ARIH1: variants seen among roughly 807,000 people sequenced by gnomAD.
ARIH1 encodes the protein E3 ubiquitin-protein ligase ARIH1.
In ARIH1, 8 loss-of-function variants were observed where a neutral mutation model predicts 85.0. The ratio of observed to expected loss-of-function variants is 0.09; its 90% CI spans 0.06 to 0.17. The LOEUF (loss-of-function observed/expected upper bound fraction) is 0.17, where lower values mean the gene tolerates loss of function less well. Among genes scored for constraint, ARIH1 ranks in the 10% least tolerant of loss-of-function variants. ARIH1 has a pLI of 1.00. For missense variants in ARIH1, 311 were observed against 718.1 expected, an observed-to-expected ratio of 0.43 and a Z score of 6.48; for synonymous variants, 238 against 253.6, an observed-to-expected ratio of 0.94 and a Z score of 0.59.
Position 72,583,359 on chromosome 15 carries a change from A to AC in ARIH1, c.*67_*68insC. ...TAGAGTGCTCATGCAATTAAAACAA[A>AC]ACAAACACAAACAAGGAGGCACTAA... On this transcript the variant is annotated 3_prime_UTR_variant, in exon 14 of 14. Transcript: ENST00000379887. The AC allele has an allele frequency of 7.7e-7, 1 of 1,298,690 alleles. No homozygotes were observed. Among genetic ancestry groups the AC allele is most frequent in the Non-Finnish European group, 1.1e-6 (1 of 907,324 alleles). 80.4% of individuals were successfully genotyped at this position (1,298,690 alleles called of 1,614,324 possible). A position where few individuals can be genotyped will look rare whatever the true frequency, so the allele number is the denominator to read the frequency against.
chr15:72,540,055 C>T (rs960715077), intron 2 of ARIH1, among the ~76,000 whole-genome samples: 1 of 151,902 alleles, frequency 6.6e-6, no homozygotes, highest in African/African-American at 2.4e-5. Context: ...GTCAGGAGTT[C>T]GAGACCAGCC....
At chr15:72,549,888 G>T (rs2064146154) in intron 3 of ARIH1, among the ~76,000 whole-genome samples, 1 of 152,154 alleles carries the variant, frequency 6.6e-6, no homozygotes, top group Admixed American at 6.5e-5. Context: ...TAAGTTTAGT[G>T]AATAGATAAT....
intron 2 of ARIH1, among the ~76,000 whole-genome samples, chr15:72,524,273 G>C (rs775440172): frequency 7.0e-6 from 1 of 143,814 alleles, no homozygotes; most frequent in Non-Finnish European, 1.5e-5. Context: ...GATGGATGGA[G>C]TCTTGCTCGG....
intron 11 of ARIH1, among the ~76,000 whole-genome samples, chr15:72,579,988 C>T (rs1399271855): frequency 6.6e-6 from 1 of 152,074 alleles, no homozygotes. Context: ...TTATTATTGA[C>T]TATATTCACC....
intron 1 of ARIH1, among the ~76,000 whole-genome samples, chr15:72,516,428 A>T (rs201107269): frequency 1.8e-4 from 1 of 5,644 alleles, no homozygotes; most frequent in African/African-American, 1.8e-4. Context: ...GAGTTCTTTT[A>T]AAAAAAAAGT....
intron 2 of ARIH1, among the ~76,000 whole-genome samples, chr15:72,519,475 G>GTGTTTTTTTTTTTTTTTT (rs2063989343): frequency 3.2e-5 from 2 of 62,544 alleles, no homozygotes; most frequent in African/African-American, 1.3e-4. Flanking sequence ...TGTTTTTTTT[G>GTGTTTTTTTTTTTTTTTT]TTTTTTTTTT....
At chr15:72,528,737 C>T (rs996002581) in intron 2 of ARIH1, among the ~76,000 whole-genome samples, 1 of 152,132 alleles carries the variant, frequency 6.6e-6, no homozygotes, top group Non-Finnish European at 1.5e-5. Context: ...CACCTATAGT[C>T]CCAGCTACTC....
At chr15:72,475,947 GA>G (rs541773190) in intron 1 of ARIH1, among the ~76,000 whole-genome samples, 229 of 147,844 alleles carry the variant, frequency 1.5e-3, no homozygotes, top group South Asian at 0.013. Flanking sequence ...TTCATTTGGG[GA>G]AAAAAAAAAC....
chr15:72,476,451 G>C (rs552032299), intron 1 of ARIH1, among the ~76,000 whole-genome samples: 1 of 152,172 alleles, frequency 6.6e-6, no homozygotes, highest in East Asian at 1.9e-4. Flanking sequence ...TGCAACCTCC[G>C]CCTGCCGGGT....
chr15:72,505,431 AT>A (rs986552433), intron 1 of ARIH1, among the ~76,000 whole-genome samples: 2 of 151,816 alleles, frequency 1.3e-5, no homozygotes, highest in African/African-American at 4.8e-5. Context: ...AACCTTCCAT[AT>A]TTTTTTAATG....
chr15:72,520,956 A>G (rs908142029), intron 2 of ARIH1, among the ~76,000 whole-genome samples: 4 of 151,618 alleles, frequency 2.6e-5, no homozygotes, highest in Admixed American at 6.6e-5. Flanking sequence ...CAATCCTTCC[A>G]TTTCAGCACC....
intron 1 of ARIH1, among the ~76,000 whole-genome samples, chr15:72,478,821 G>C (rs796138083): frequency 6.6e-5 from 10 of 152,330 alleles, no homozygotes; most frequent in African/African-American, 2.4e-4. Context: ...TAGGGGCACA[G>C]ATTGGGTATA....
chr15:72,493,954 A>G (rs192115515), intron 1 of ARIH1, among the ~76,000 whole-genome samples: 279 of 152,268 alleles, frequency 1.8e-3, no homozygotes, highest in Non-Finnish European at 3.1e-3. Flanking sequence ...TAAAAAAAAC[A>G]TATATATCTG....
intron 5 of ARIH1, among the ~76,000 whole-genome samples, chr15:72,561,065 G>T (rs8028467): frequency 0.89 from 135,986 of 152,124 alleles, 62,711 homozygotes; most frequent in East Asian, 1. Flanking sequence ...AACATTTCTG[G>T]CAACAATATC....
chr15:72,575,902 G>A (rs1434959549), intron 11 of ARIH1, among the ~76,000 whole-genome samples: 1 of 152,120 alleles, frequency 6.6e-6, no homozygotes, highest in African/African-American at 2.4e-5. Context: ...GTCTCGCAGT[G>A]GCATGATCAT....
chr15:72,542,201 G>A (rs2064110288), intron 2 of ARIH1, among the ~76,000 whole-genome samples: 1 of 152,136 alleles, frequency 6.6e-6, no homozygotes, highest in Admixed American at 6.6e-5. Context: ...AAATCTTTGG[G>A]TATAGAGGTC....
intron 2 of ARIH1, among the ~76,000 whole-genome samples, chr15:72,518,696 G>A (rs908540030): frequency 3.3e-5 from 5 of 151,756 alleles, no homozygotes; most frequent in African/African-American, 1.2e-4. Flanking sequence ...GCTGAGGCAG[G>A]AGAATCACTT....
intron 1 of ARIH1, among the ~76,000 whole-genome samples, chr15:72,496,307 G>A (rs1406875154): frequency 1.3e-5 from 2 of 152,160 alleles, no homozygotes; most frequent in Admixed American, 6.5e-5. Flanking sequence ...CCTAGATGTG[G>A]TGCTAGCAAA....
rs2064338637 is a variant in ARIH1, at chr15:72,590,532, G to A, written c.*7240G>A. Reference sequence around the variant, plus strand: ...CTGCATTTCCAAACCCTTCCCAGAAGTCTAACCTTACTTTGATCTGATGAC... The same window carrying A: ...CTGCATTTCCAAACCCTTCCCAGAAATCTAACCTTACTTTGATCTGATGAC... On this transcript the variant is annotated 3_prime_UTR_variant, in exon 14 of 14. Transcript: ENST00000379887. 1 of 152,060 alleles carries A rather than the reference G, an allele frequency of 6.6e-6. No individual in the cohort carries two copies. The highest frequency in any genetic ancestry group is 1.5e-5 in the Non-Finnish European group (1 of 68,022). The allele number at this position is 152,060 out of a possible 1,614,324, so 9.4% of individuals were successfully genotyped here.
Sources: allele counts gnomAD v4.1 joint callset (sites outside exome capture counted in the v4.1 genomes callset), GRCh38; gene constraint gnomAD v4.1.1; transcripts MANE v1.5; gene names NCBI Gene and HGNC (gene_info 2026-07-23, HGNC 2026-07-21).